Variants in TET2 observed in about 807,000 individuals in gnomAD.
TET2 encodes tet methylcytosine dioxygenase 2, also known as methylcytosine dioxygenase TET2.
TET2 carries 299 observed loss-of-function variants against 142.9 expected under a neutral mutation model. That is an observed-to-expected ratio of 2.09 (90% CI 1.90 to 2.30). TET2 has a LOEUF of 2.30. TET2 is among the 30% of genes most tolerant of loss of function. The pLI, the probability that TET2 is intolerant of heterozygous loss-of-function variation, is 0.00. For synonymous variants in TET2, 819 were observed against 849.0 expected (o/e 0.96, Z 0.61); for missense variants, 2,418 against 2,378.0 (o/e 1.02, Z -0.35).
At chr4:105,203,319 A>G (rs1726587425) in intron 2 of TET2, among the ~76,000 whole-genome samples, 1 of 152,240 alleles carries the variant, frequency 6.6e-6, no homozygotes, top group African/African-American at 2.4e-5. Flanking sequence ...ACAAAGCACC[A>G]AAAGTTGGAA....
chr4:105,249,443 G>C (rs1159426345), intron 6 of TET2, among the ~76,000 whole-genome samples: 1 of 152,190 alleles, frequency 6.6e-6, no homozygotes, highest in African/African-American at 2.4e-5. Context: ...CATGTTTTCA[G>C]TTACCTTGGG....
chr4:105,176,453 AACTT>A (rs1275270402), intron 1 of TET2, among the ~76,000 whole-genome samples: 2 of 152,192 alleles, frequency 1.3e-5, no homozygotes, highest in African/African-American at 2.4e-5. Flanking sequence ...ACAGAATACA[AACTT>A]AATATAAAGA....
At chr4:105,258,309 G>T (rs965354247) in intron 6 of TET2, among the ~76,000 whole-genome samples, 9 of 152,090 alleles carry the variant, frequency 5.9e-5, no homozygotes, top group Admixed American at 6.5e-5. Flanking sequence ...TGTGTAAAGT[G>T]ATCATTTCTA....
intron 1 of TET2, among the ~76,000 whole-genome samples, chr4:105,151,261 T>C (rs1347268124): frequency 6.6e-6 from 1 of 152,118 alleles, no homozygotes; most frequent in Non-Finnish European, 1.5e-5. Context: ...TTCTAACTTA[T>C]AGTGAGCTCT....
At chr4:105,240,922 C>A (rs1027272303) in intron 3 of TET2, 90 of 1,080,822 alleles carry the variant, frequency 8.3e-5, no homozygotes, top group Non-Finnish European at 1.0e-4. Context: ...TGGGATAGAG[C>A]AGGAAATTTT....
chr4:105,161,674 A>C (rs951193467), intron 1 of TET2, among the ~76,000 whole-genome samples: 1 of 152,244 alleles, frequency 6.6e-6, no homozygotes, highest in African/African-American at 2.4e-5. Context: ...TTAAGGCTAT[A>C]AGTTAATTTC....
In TET2 at chr4:105,200,486, C is replaced by A. The variant is rs532938414; in HGVS notation, c.-47+9981C>A. ...TAAATTGCAAAATTTTTCTCCCATT[C>A]TGTAGGTTGTCTGTTTTCTCTGTTG... On this transcript the variant is annotated intron_variant, in intron 2 of 10. Coordinates refer to ENST00000380013, the MANE Select transcript of TET2 (RefSeq NM_001127208.3). Among the ~76,000 whole-genome samples, 6 of 152,168 alleles carry A rather than the reference C, an allele frequency of 3.9e-5. No individual in the cohort carries two copies. In the South Asian group the frequency reaches 1.2e-3, roughly 32 times the overall value.
intron 6 of TET2, among the ~76,000 whole-genome samples, chr4:105,253,456 C>A (rs1729970325): frequency 6.6e-6 from 1 of 151,510 alleles, no homozygotes; most frequent in Non-Finnish European, 1.5e-5. Context: ...TCAGATTCTG[C>A]TTGTACATTG....
intron 1 of TET2, among the ~76,000 whole-genome samples, chr4:105,183,458 T>TA (rs990512173): frequency 2.0e-5 from 3 of 152,164 alleles, no homozygotes; most frequent in African/African-American, 4.8e-5. Context: ...ATATATTTTT[T>TA]ATCTCAAATT....
Position 105,275,506 on chromosome 4 carries a change from C to T in TET2, c.4996C>T (p.Pro1666Ser). The T allele has an allele frequency of 6.4e-7, 1 of 1,551,654 alleles. No individual in the cohort carries two copies. The highest frequency in any genetic ancestry group is 8.7e-7 in the Non-Finnish European group (1 of 1,146,970). Residue 1666 changes from proline to serine, a missense_variant, in exon 11 of 11, where the codon CCT (proline) becomes TCT (serine). Coordinates refer to ENST00000380013, the MANE Select transcript of TET2 (RefSeq NM_001127208.3). ...MDLYRYPSQD[P>S]LSKLSLPPIH... Reference sequence around the variant, plus strand: ...TCTGTATAGGTATCCAAGCCAAGACCCTCTGTCTAAGCTCAGTCTACCACC... The same window carrying T: ...TCTGTATAGGTATCCAAGCCAAGACTCTCTGTCTAAGCTCAGTCTACCACC...
At chr4:105,247,950 G>A (rs1729667256) in intron 6 of TET2, among the ~76,000 whole-genome samples, 1 of 151,966 alleles carries the variant, frequency 6.6e-6, no homozygotes, top group Non-Finnish European at 1.5e-5. Context: ...TGGAACTCCT[G>A]GCCTCAAGTG....
chr4:105,235,642 T>C lies in TET2; in HGVS notation c.1700T>C (p.Leu567Ser), dbSNP rs533215340. 2 of 1,614,150 alleles carry C rather than the reference T, an allele frequency of 1.2e-6. No individual in the cohort carries two copies. Among genetic ancestry groups the C allele is most frequent in the East Asian group, 4.5e-5 (2 of 44,894 alleles). The change falls in exon 3 of 11, where the codon TTG becomes TCG. Residue 567 changes from leucine to serine, a missense_variant. By Grantham distance (145) the Leu-to-Ser change is moderately radical. Transcript: ENST00000380013. ...TATCTGAAACCAGGATGGATTGAAT[T>C]GAAGGCCCCTCGTTTTCACCAAGCG... ...QHYLKPGWIE[L>S]KAPRFHQAES...
chr4:105,269,218 A>AT (rs1442464592), intron 8 of TET2, among the ~76,000 whole-genome samples: 1 of 152,216 alleles, frequency 6.6e-6, no homozygotes, highest in Non-Finnish European at 1.5e-5. Context: ...ATTTATAAAA[A>AT]TTAACTCCAA....
intron 9 of TET2, 23 bp from the exon 10 acceptor site, chr4:105,272,540 TG>T: frequency 1.4e-6 from 2 of 1,439,692 alleles, no homozygotes; most frequent in Non-Finnish European, 1.9e-6. Flanking sequence ...TAGTTGAGGC[TG>T]TAATGTCTTA....
chr4:105,193,294 A>T (rs2110488784), intron 2 of TET2, among the ~76,000 whole-genome samples: 1 of 152,266 alleles, frequency 6.6e-6, no homozygotes, highest in South Asian at 2.1e-4. Context: ...GGCCAGGCAG[A>T]GGGCAAGTGG....
At chr4:105,189,921 G>C (rs1157623939) in intron 1 of TET2, among the ~76,000 whole-genome samples, 1 of 152,188 alleles carries the variant, frequency 6.6e-6, no homozygotes, top group Non-Finnish European at 1.5e-5. Flanking sequence ...GGGACTTAAT[G>C]ATTCTCAATC....
At chr4:105,202,481 A>G (rs78632895) in intron 2 of TET2, 4 of 152,264 alleles carry the variant, frequency 2.6e-5, no homozygotes, top group Non-Finnish European at 4.4e-5. Context: ...ACCCTAAAAA[A>G]TCTGTAATTC....
chr4:105,168,723 T>C (rs1276313431), intron 1 of TET2, among the ~76,000 whole-genome samples: 2 of 152,174 alleles, frequency 1.3e-5, no homozygotes, highest in African/African-American at 2.4e-5. Flanking sequence ...CGTAGTCTTT[T>C]ATTCCTCACC....
chr4:105,159,251 CTTTTT>C (rs779676545), intron 1 of TET2, among the ~76,000 whole-genome samples: 1 of 134,578 alleles, frequency 7.4e-6, no homozygotes, highest in Non-Finnish European at 1.6e-5. Flanking sequence ...TTCTTTCTTT[CTTTTT>C]TTTTTTTTTT....
Sources: allele counts gnomAD v4.1 joint callset (sites outside exome capture counted in the v4.1 genomes callset), GRCh38; gene constraint gnomAD v4.1.1; transcripts MANE v1.5; gene names NCBI Gene and HGNC (gene_info 2026-07-23, HGNC 2026-07-21).